Variants in NPAS3 observed in about 807,000 individuals in gnomAD.
The protein encoded by NPAS3 is neuronal PAS domain protein 3.
Under a neutral mutation model 73.1 loss-of-function variants are expected in NPAS3, and 14 were observed. That is an observed-to-expected ratio of 0.19 (90% CI 0.13 to 0.30). The LOEUF is 0.30. Ranked by LOEUF, NPAS3 falls within the 10% of genes least tolerant of loss-of-function variation. The probability of loss-of-function intolerance (pLI) is 1.00; values close to 1 mark genes in which losing one functional copy is unlikely to be tolerated. For missense variants in NPAS3, 1,096 were observed against 1,250.0 expected (o/e 0.88, Z 1.86); for synonymous variants, 620 against 541.5 (o/e 1.14, Z -2.01).
At chr14:33,544,820 A>AATATATAT (rs1555409990) in intron 4 of NPAS3, among the ~76,000 whole-genome samples, 7 of 98,548 alleles carry the variant, frequency 7.1e-5, no homozygotes, top group African/African-American at 3.8e-4. Flanking sequence ...ATGTATATAT[A>AATATATAT]ATATATATGT....
Position 33,288,022 on chromosome 14 carries a change from TATTG to T in NPAS3, c.385+72600_385+72603del, listed in dbSNP as rs149684611. On this transcript the variant is annotated intron_variant, in intron 3 of 11. Coordinates refer to ENST00000356141, the Ensembl canonical transcript of NPAS3. ...TCTCTTAGTTGCACTATCTAGTATT[TATTG>T]ATTACTATTTATATGCAAATTACTT... 2.0e-3 allele frequency among the ~76,000 whole-genome samples: 307 copies of T among 152,302 alleles called. 1 individual carries two copies. The highest frequency in any genetic ancestry group is 6.7e-3 in the African/African-American group (278 of 41,562).
At chr14:33,496,324 G>A (rs1391829803) in intron 4 of NPAS3, among the ~76,000 whole-genome samples, 1 of 152,114 alleles carries the variant, frequency 6.6e-6, no homozygotes, top group Non-Finnish European at 1.5e-5. Flanking sequence ...TAGAAAAAGA[G>A]GGACTCCACC....
intron 6 of NPAS3, among the ~76,000 whole-genome samples, chr14:33,714,117 C>T (rs1247667520): frequency 6.6e-6 from 1 of 151,888 alleles, no homozygotes; most frequent in African/African-American, 2.4e-5. Flanking sequence ...GCACATGTAC[C>T]CTAAACTTAA....
chr14:33,301,324 T>TATATATATATCTATATATATA (rs56204986), intron 3 of NPAS3, among the ~76,000 whole-genome samples: 1 of 75,648 alleles, frequency 1.3e-5, no homozygotes, highest in South Asian at 4.0e-4. Context: ...ATATATATAT[T>TATATATATATCTATATATATA]TTTTTTTTTT....
At chr14:33,777,283 T>C (rs996271226) in intron 8 of NPAS3, among the ~76,000 whole-genome samples, 4 of 152,200 alleles carry the variant, frequency 2.6e-5, no homozygotes, top group Non-Finnish European at 5.9e-5. Flanking sequence ...CTGAAACCCA[T>C]GAAATCCTTA....
chr14:33,419,642 A>G (rs1285166604), intron 4 of NPAS3, among the ~76,000 whole-genome samples: 1 of 151,980 alleles, frequency 6.6e-6, no homozygotes, highest in Non-Finnish European at 1.5e-5. Flanking sequence ...AGATAGGAAA[A>G]TAAGAAGATA....
chr14:33,028,350 C>G (rs1361059222), intron 1 of NPAS3, among the ~76,000 whole-genome samples: 2 of 152,152 alleles, frequency 1.3e-5, no homozygotes, highest in Non-Finnish European at 2.9e-5. Context: ...CCCAGCTATT[C>G]CCTATTTTTA....
chr14:33,448,723 T>C (rs2049639325), intron 4 of NPAS3, among the ~76,000 whole-genome samples: 1 of 152,170 alleles, frequency 6.6e-6, no homozygotes, highest in African/African-American at 2.4e-5. Context: ...GGATCCACGA[T>C]GAAAATATCA....
At chr14:33,656,866 C>T (rs1382496725) in intron 5 of NPAS3, among the ~76,000 whole-genome samples, 2 of 152,208 alleles carry the variant, frequency 1.3e-5, no homozygotes, top group Non-Finnish European at 2.9e-5. Context: ...ATTTCCTTCA[C>T]TTCCTCACCC....
At chr14:33,526,831 G>T (rs1383097727) in intron 4 of NPAS3, among the ~76,000 whole-genome samples, 1 of 152,064 alleles carries the variant, frequency 6.6e-6, no homozygotes, top group African/African-American at 2.4e-5. Flanking sequence ...CAGGCAGTAG[G>T]AGGGTTGCCC....
chr14:33,556,955 G>A (rs141296687), intron 4 of NPAS3, among the ~76,000 whole-genome samples: 218 of 152,250 alleles, frequency 1.4e-3, no homozygotes, highest in African/African-American at 4.8e-3. Context: ...ACAGTTCTCC[G>A]TGATTGTGTA....
intron 1 of NPAS3, among the ~76,000 whole-genome samples, chr14:32,964,030 A>G (rs1197689476): frequency 6.6e-6 from 1 of 152,056 alleles, no homozygotes; most frequent in Non-Finnish European, 1.5e-5. Context: ...CTAAAATGCA[A>G]AATCCAAAGT....
Position 33,301,616 on chromosome 14 carries a change from A to C in NPAS3, c.386-65570A>C, listed in dbSNP as rs2042552272. On this transcript the variant is annotated intron_variant, in intron 3 of 11. Transcript: ENST00000356141. ...GACATTTGGATTTGAATTTAACTAC[A>C]TGATAGTTTCTGAAAAAGTGTATAT... is the stretch of plus-strand genomic sequence containing the variant. 2.6e-5 allele frequency among the ~76,000 whole-genome samples: 4 copies of C among 152,072 alleles called. 1 individual carries two copies. The South Asian group carries it at 8.3e-4, about 32-fold the overall frequency.
intron 10 of NPAS3, among the ~76,000 whole-genome samples, chr14:33,797,003 G>A (rs1024384402): frequency 2.0e-5 from 3 of 152,094 alleles, no homozygotes; most frequent in Non-Finnish European, 4.4e-5. Context: ...CACCAATAGC[G>A]TGGGAGCCAT....
At chr14:32,960,725 A>C (rs1462323196) in intron 1 of NPAS3, among the ~76,000 whole-genome samples, 1 of 152,224 alleles carries the variant, frequency 6.6e-6, no homozygotes, top group African/African-American at 2.4e-5. Context: ...TTCATAGTGC[A>C]TATATACTTA....
intron 5 of NPAS3, among the ~76,000 whole-genome samples, chr14:33,653,282 G>T (rs1181530239): frequency 6.6e-6 from 1 of 152,206 alleles, no homozygotes; most frequent in Non-Finnish European, 1.5e-5. Context: ...TGTCAGCATG[G>T]TGCGTCTTTA....
At chr14:33,339,327 T>G (rs2044366637) in intron 3 of NPAS3, among the ~76,000 whole-genome samples, 1 of 152,140 alleles carries the variant, frequency 6.6e-6, no homozygotes, top group Non-Finnish European at 1.5e-5. Context: ...GGGTGATCTG[T>G]TTTATTTTCC....
chr14:33,081,386 C>G (rs61974900), intron 2 of NPAS3, among the ~76,000 whole-genome samples: 2 of 150,990 alleles, frequency 1.3e-5, no homozygotes, highest in Non-Finnish European at 3.0e-5. Context: ...TTTTTTTCCC[C>G]AGCTTATTCT....
At position 33,613,425 on chromosome 14, in the gene NPAS3, C is replaced by A. The variant is rs184545220; in HGVS notation, c.558+53215C>A. Reference sequence around the variant, plus strand: ...CTTCCCTTCCCCTCTCTGAATTGACCCTTCCAGCCTAATATTCCAGGATTT... The same window carrying A: ...CTTCCCTTCCCCTCTCTGAATTGACACTTCCAGCCTAATATTCCAGGATTT... On this transcript the variant is annotated intron_variant, in intron 5 of 11. Coordinates refer to ENST00000356141, the Ensembl canonical transcript of NPAS3. Among the ~76,000 whole-genome samples, 5 of 152,178 alleles carry A rather than the reference C, an allele frequency of 3.3e-5. No individual in the cohort carries two copies. In the East Asian group the frequency reaches 9.7e-4, roughly 29 times the overall value.
Sources: gnomAD v4.1 joint callset for allele counts (sites outside exome capture counted in the v4.1 genomes callset) on GRCh38, gnomAD v4.1.1 for gene constraint, MANE v1.5 for transcripts, NCBI Gene and HGNC (gene_info 2026-07-23, HGNC 2026-07-21) for gene names.